RAB2A: variants seen among roughly 807,000 people sequenced by gnomAD.
The protein encoded by RAB2A is ras-related protein Rab-2A.
RAB2A carries 7 observed loss-of-function variants against 32.5 expected under a neutral mutation model. The ratio of observed to expected loss-of-function variants is 0.22; its 90% CI spans 0.12 to 0.40. RAB2A has a LOEUF of 0.40. RAB2A is among the 10% of genes least tolerant of loss of function. The pLI, the probability that RAB2A is intolerant of heterozygous loss-of-function variation, is 1.00. For synonymous variants in RAB2A, 79 were observed against 85.2 expected (o/e 0.93, Z 0.40); for missense variants, 108 against 260.7 (o/e 0.41, Z 4.03).
chr8:60,595,093 A>G (rs994683291), intron 6 of RAB2A, among the ~76,000 whole-genome samples: 2 of 148,028 alleles, frequency 1.4e-5, no homozygotes, highest in African/African-American at 4.9e-5. Flanking sequence ...GCAGATTTGC[A>G]TAAAAGAATG....
chr8:60,530,933 C>T (rs1186152515), intron 1 of RAB2A, among the ~76,000 whole-genome samples: 1 of 152,160 alleles, frequency 6.6e-6, no homozygotes, highest in African/African-American at 2.4e-5. Flanking sequence ...AGAGAAGATA[C>T]CTGCCACTAA....
chr8:60,578,069 A>G (rs1210104242), intron 3 of RAB2A, among the ~76,000 whole-genome samples: 1 of 152,196 alleles, frequency 6.6e-6, no homozygotes, highest in African/African-American at 2.4e-5. Flanking sequence ...TGTCTTCTAC[A>G]TAGCTGGAGC....
intron 6 of RAB2A, among the ~76,000 whole-genome samples, chr8:60,614,730 T>C (rs1804420604): frequency 6.6e-6 from 1 of 152,218 alleles, no homozygotes; most frequent in Non-Finnish European, 1.5e-5. Context: ...GTATTATCAG[T>C]ATCATTCAGA....
At chr8:60,542,452 T>C (rs753546272) in intron 1 of RAB2A, among the ~76,000 whole-genome samples, 1 of 152,074 alleles carries the variant, frequency 6.6e-6, no homozygotes, top group Non-Finnish European at 1.5e-5. Context: ...AGGCAGAGGT[T>C]GCAGTGAGTG....
chr8:60,525,091 C>A (rs921650826), intron 1 of RAB2A, among the ~76,000 whole-genome samples: 7 of 152,168 alleles, frequency 4.6e-5, no homozygotes, highest in African/African-American at 1.7e-4. Flanking sequence ...TCATTTGGGG[C>A]AAATTATCTT....
chr8:60,597,443 G>C (rs780182438), intron 6 of RAB2A, among the ~76,000 whole-genome samples: 1 of 152,070 alleles, frequency 6.6e-6, no homozygotes, highest in Non-Finnish European at 1.5e-5. Flanking sequence ...GGGCCTGTTG[G>C]GGGGTGGGGG....
chr8:60,571,732 A>G (rs1221203551), intron 2 of RAB2A, among the ~76,000 whole-genome samples: 1 of 152,168 alleles, frequency 6.6e-6, no homozygotes, highest in Non-Finnish European at 1.5e-5. Context: ...GTGTTTAATA[A>G]TTATGGCTCT....
At chr8:60,574,201 G>T (rs2130841866) in intron 3 of RAB2A, among the ~76,000 whole-genome samples, 1 of 152,192 alleles carries the variant, frequency 6.6e-6, no homozygotes, top group Admixed American at 6.5e-5. Flanking sequence ...ACCCCCATCG[G>T]AATAACTTAT....
chr8:60,517,093 G>A lies in RAB2A; in HGVS notation c.-115G>A. The A allele has an allele frequency of 8.9e-7, 1 of 1,121,172 alleles. No individual in the cohort carries two copies. The highest frequency in any genetic ancestry group is 1.2e-6 in the Non-Finnish European group (1 of 830,978). The allele number at this position is 1,121,172 out of a possible 1,614,324, so 69.5% of individuals were successfully genotyped here. On this transcript the variant is annotated 5_prime_UTR_variant, in exon 1 of 8. Coordinates refer to ENST00000262646, the MANE Select transcript of RAB2A (RefSeq NM_002865.3). ...CTCCCGGCGGCTGACAGCAGCAGCG[G>A]CGGCGGCGGGCGGCGCCTGGCGTTT...
At chr8:60,548,537 G>A (rs868239100) in intron 1 of RAB2A, among the ~76,000 whole-genome samples, 1,319 of 106,150 alleles carry the variant, frequency 0.012, 10 homozygotes, top group African/African-American at 0.05. Flanking sequence ...CCTCCCTCCC[G>A]GACGGGGCGG....
At chr8:60,587,096 G>T (rs762686512) in intron 5 of RAB2A, among the ~76,000 whole-genome samples, 3 of 152,066 alleles carry the variant, frequency 2.0e-5, no homozygotes, top group Non-Finnish European at 4.4e-5. Context: ...ATATTGGAGA[G>T]AATTTACTAT....
chr8:60,591,661 G>C, intron 5 of RAB2A, 197 bp from the exon 6 acceptor site: 2 of 397,232 alleles, frequency 5.0e-6, no homozygotes, highest in East Asian at 3.9e-5. Context: ...TTCTTCTGTT[G>C]GATTGTTAGT....
intron 6 of RAB2A, among the ~76,000 whole-genome samples, chr8:60,596,184 C>T (rs1319250724): frequency 6.6e-6 from 1 of 152,116 alleles, no homozygotes; most frequent in Non-Finnish European, 1.5e-5. Context: ...AGACCTAAAA[C>T]CATAAAAACC....
At chr8:60,544,572 T>TA (rs145487461) in intron 1 of RAB2A, among the ~76,000 whole-genome samples, 8,347 of 133,756 alleles carry the variant, frequency 0.062, 855 homozygotes, top group African/African-American at 0.22. Context: ...TTTTTTTTTT[T>TA]AAAATAGAGA....
intron 2 of RAB2A, among the ~76,000 whole-genome samples, chr8:60,565,676 ATTTTTTTTTTTTTTTTTTT>A (rs71252885): frequency 3.1e-3 from 305 of 97,380 alleles, no homozygotes; most frequent in Non-Finnish European, 3.8e-3. Context: ...TCTGTAGCTG[ATTTTTTTTTTTTTTTTTTT>A]TTTTTTTTTT....
chr8:60,600,484 T>C (rs1804114583), intron 6 of RAB2A, among the ~76,000 whole-genome samples: 1 of 152,218 alleles, frequency 6.6e-6, no homozygotes, highest in South Asian at 2.1e-4. Context: ...ACAGCCACTC[T>C]GGAAAAATGG....
intron 1 of RAB2A, 24 bp from the exon 2 acceptor site, chr8:60,558,828 T>C (rs1462741636): frequency 2.5e-6 from 4 of 1,584,750 alleles, no homozygotes; most frequent in East Asian, 2.2e-5. Context: ...TTTTGTCTCT[T>C]ATTTATTTTT....
chr8:60,529,617 T>G (rs1216223924), intron 1 of RAB2A, among the ~76,000 whole-genome samples: 2 of 152,198 alleles, frequency 1.3e-5, no homozygotes, highest in African/African-American at 2.4e-5. Flanking sequence ...TTGCTTTGTT[T>G]AGGAAGTAAA....
chr8:60,539,344 T>G (rs1290724190), intron 1 of RAB2A, among the ~76,000 whole-genome samples: 1 of 152,206 alleles, frequency 6.6e-6, no homozygotes, highest in Non-Finnish European at 1.5e-5. Flanking sequence ...GAAAAAGAAG[T>G]GATTTTTCCT....
Sources: gnomAD v4.1 joint callset for allele counts (sites outside exome capture counted in the v4.1 genomes callset) on GRCh38, gnomAD v4.1.1 for gene constraint, MANE v1.5 for transcripts, NCBI Gene and HGNC (gene_info 2026-07-23, HGNC 2026-07-21) for gene names.